Variants in ELAPOR2 observed in about 807,000 individuals in gnomAD.
ELAPOR2 encodes the protein endosome/lysosome-associated apoptosis and autophagy regulator family member 2.
Under a neutral mutation model 120.7 loss-of-function variants are expected in ELAPOR2, and 89 were observed. That is an observed-to-expected ratio of 0.74 (90% CI 0.62 to 0.88). The LOEUF (loss-of-function observed/expected upper bound fraction) is 0.88, where lower values mean the gene tolerates loss of function less well. Ranked by LOEUF, ELAPOR2 falls within the 40% of genes least tolerant of loss-of-function variation. The pLI is 0.00. For synonymous variants in ELAPOR2, 444 were observed against 444.9 expected (o/e 1.00, Z 0.03); for missense variants, 1,134 against 1,251.6 (o/e 0.91, Z 1.42).
Position 86,932,989 on chromosome 7 carries a change from T to G in ELAPOR2, c.1089+5137A>C, listed in dbSNP as rs559627202. 1.2e-4 allele frequency among the ~76,000 whole-genome samples: 18 copies of G among 151,996 alleles called. No homozygotes were observed. In the East Asian group the frequency reaches 3.5e-3, roughly 30 times the overall value. On this transcript the variant is annotated intron_variant, in intron 8 of 21. Coordinates refer to ENST00000450689, the MANE Select transcript of ELAPOR2 (RefSeq NM_001142749.3). ...CAAATTGATATACATATTCTTAATGTCTTTATGAAGTTAATCATTTTTAAA... is the reference window on the plus strand; with the variant it reads ...CAAATTGATATACATATTCTTAATGGCTTTATGAAGTTAATCATTTTTAAA...
At chr7:86,941,934 G>C in intron 5 of ELAPOR2, 84 bp downstream of exon 5, 3 of 715,190 alleles carry the variant, frequency 4.2e-6, no homozygotes, top group Middle Eastern at 4.9e-4. Context: ...TGAAAGGAAG[G>C]GGAAGTTGGG....
At chr7:86,959,467 T>C (rs1337729979) in intron 2 of ELAPOR2, among the ~76,000 whole-genome samples, 1 of 152,240 alleles carries the variant, frequency 6.6e-6, no homozygotes, top group Non-Finnish European at 1.5e-5. Context: ...GTGCTTGTCC[T>C]ATATGGCCTT....
At chr7:87,003,328 G>T (rs1793376140) in intron 1 of ELAPOR2, among the ~76,000 whole-genome samples, 1 of 152,068 alleles carries the variant, frequency 6.6e-6, no homozygotes, top group South Asian at 2.1e-4. Context: ...TTGGGATCTG[G>T]TTTGGCTCTG....
rs115146685 is a variant in ELAPOR2, at chr7:86,977,189, C to G, written c.190-12165G>C. Among the ~76,000 whole-genome samples, 946 of 152,264 alleles carry G rather than the reference C, an allele frequency of 6.2e-3. 10 individuals carry two copies. Among genetic ancestry groups the G allele is most frequent in the African/African-American group, 0.022 (897 of 41,538 alleles). On this transcript the variant is annotated intron_variant, in intron 1 of 21. Coordinates refer to ENST00000450689, the MANE Select transcript of ELAPOR2 (RefSeq NM_001142749.3). Reference sequence around the variant, plus strand: ...ACAATATCTTAGTGCTGTCGACCACCTTGTAAGGCAGAGTTTTTACAGATA... The same window carrying G: ...ACAATATCTTAGTGCTGTCGACCACGTTGTAAGGCAGAGTTTTTACAGATA...
intron 1 of ELAPOR2, among the ~76,000 whole-genome samples, chr7:87,002,811 C>T (rs1793360372): frequency 6.6e-6 from 1 of 152,108 alleles, no homozygotes; most frequent in South Asian, 2.1e-4. Flanking sequence ...TACCCCATCC[C>T]CCAGCACTTC....
chr7:87,046,418 G>A (rs746248143), intron 1 of ELAPOR2, among the ~76,000 whole-genome samples: 76 of 152,256 alleles, frequency 5.0e-4, no homozygotes, highest in Non-Finnish European at 9.7e-4. Context: ...AAGTACCTAC[G>A]ATATTCTTCA....
At chr7:87,031,496 A>G (rs1440523724) in intron 1 of ELAPOR2, among the ~76,000 whole-genome samples, 1 of 152,194 alleles carries the variant, frequency 6.6e-6, no homozygotes, top group Non-Finnish European at 1.5e-5. Context: ...AAGTGAAAAT[A>G]TTAATAGTTC....
chr7:86,892,879 T>A, intron 20 of ELAPOR2, 43 bp downstream of exon 20: 2 of 1,406,158 alleles, frequency 1.4e-6, no homozygotes, highest in Non-Finnish European at 1.9e-6. Flanking sequence ...CACAACAAAA[T>A]AGGCCCTCTA....
At chr7:87,029,500 G>A (rs75929177) in intron 1 of ELAPOR2, among the ~76,000 whole-genome samples, 3,693 of 152,140 alleles carry the variant, frequency 0.024, 169 homozygotes, top group African/African-American at 0.085. Context: ...GTGCTTTTTC[G>A]CAATTCTTTT....
intron 1 of ELAPOR2, among the ~76,000 whole-genome samples, chr7:87,014,338 C>T (rs1019907335): frequency 6.6e-6 from 1 of 152,074 alleles, no homozygotes; most frequent in Non-Finnish European, 1.5e-5. Context: ...CTAATTCAGT[C>T]TTCATGGCAA....
At chr7:86,943,732 G>A (rs1203667220) in intron 4 of ELAPOR2, among the ~76,000 whole-genome samples, 1 of 151,964 alleles carries the variant, frequency 6.6e-6, no homozygotes, top group Non-Finnish European at 1.5e-5. Context: ...GTTGCCAAAA[G>A]TATCCAATGA....
intron 1 of ELAPOR2, among the ~76,000 whole-genome samples, chr7:87,006,526 A>T (rs1199543468): frequency 6.6e-6 from 1 of 152,160 alleles, no homozygotes; most frequent in Non-Finnish European, 1.5e-5. Flanking sequence ...AGTATAATTT[A>T]AAAAAGAAAG....
chr7:86,998,030 G>A (rs1793182958), intron 1 of ELAPOR2, among the ~76,000 whole-genome samples: 1 of 152,120 alleles, frequency 6.6e-6, no homozygotes, highest in Non-Finnish European at 1.5e-5. Flanking sequence ...ACAAATAAAA[G>A]ATTAAATTAT....
chr7:86,931,789 T>C (rs1159740302), intron 8 of ELAPOR2, among the ~76,000 whole-genome samples: 1 of 151,932 alleles, frequency 6.6e-6, no homozygotes, highest in Non-Finnish European at 1.5e-5. Flanking sequence ...ACTATGTAAG[T>C]ATCAAGAAGG....
intron 2 of ELAPOR2, among the ~76,000 whole-genome samples, chr7:86,953,564 T>C (rs1306094666): frequency 6.6e-6 from 1 of 152,218 alleles, no homozygotes; most frequent in Non-Finnish European, 1.5e-5. Context: ...GACTGTACTA[T>C]TTTCATTCAG....
At chr7:86,931,281 T>G (rs1022831299) in intron 8 of ELAPOR2, among the ~76,000 whole-genome samples, 5 of 151,884 alleles carry the variant, frequency 3.3e-5, no homozygotes, top group African/African-American at 1.2e-4. Flanking sequence ...TTCACAAATA[T>G]GGAAATGATA....
At chr7:86,883,191 A>C (rs917005422) in intron 21 of ELAPOR2, among the ~76,000 whole-genome samples, 3 of 152,206 alleles carry the variant, frequency 2.0e-5, no homozygotes, top group Non-Finnish European at 2.9e-5. Context: ...AATAAATAAA[A>C]GAAACACATA....
Position 86,900,323 on chromosome 7 carries a change from T to C in ELAPOR2, c.2559-2691A>G, listed in dbSNP as rs1448283684. On this transcript the variant is annotated intron_variant, in intron 18 of 21. Transcript: ENST00000450689. ...TAACTGGACACTCGAATGATTATGT[T>C]TTCCTACAAATGACTTAACTCCTTC... Among the ~76,000 whole-genome samples the C allele has an allele frequency of 2.0e-5, 3 of 152,196 alleles. No individual in the cohort carries two copies. The East Asian group carries it at 5.8e-4, about 29-fold the overall frequency.
At chr7:86,978,592 A>G (rs1038062370) in intron 1 of ELAPOR2, among the ~76,000 whole-genome samples, 3 of 152,176 alleles carry the variant, frequency 2.0e-5, no homozygotes, top group African/African-American at 4.8e-5. Flanking sequence ...AGAAACTTCA[A>G]GCAGGCAGAT....
Sources: allele counts gnomAD v4.1 joint callset (sites outside exome capture counted in the v4.1 genomes callset), GRCh38; gene constraint gnomAD v4.1.1; transcripts MANE v1.5; gene names NCBI Gene and HGNC (gene_info 2026-07-23, HGNC 2026-07-21).